CHRDL1: variants seen among roughly 807,000 people sequenced by gnomAD.
CHRDL1 encodes the protein chordin-like protein 1.
CHRDL1 carries 19 observed loss-of-function variants against 40.9 expected under a neutral mutation model. The observed-to-expected ratio is 0.46, with a 90% CI of 0.32 to 0.68. CHRDL1 has a LOEUF of 0.68. CHRDL1 is among the 30% of genes least tolerant of loss of function. The pLI is 0.03. For missense variants in CHRDL1, 329 were observed against 352.1 expected, an observed-to-expected ratio of 0.93 and a Z score of 0.53; for synonymous variants, 136 against 123.4, an observed-to-expected ratio of 1.10 and a Z score of -0.68.
chrX:110,677,453 T>G (rs908178790), intron 11 of CHRDL1, among the ~76,000 whole-genome samples: 9 of 111,505 alleles, frequency 8.1e-5, no homozygotes, highest in Non-Finnish European at 1.5e-4. Context: ...CTACACACAG[T>G]TTGAGGCACA....
intron 2 of CHRDL1, among the ~76,000 whole-genome samples, chrX:110,779,194 C>T (rs757251758): frequency 9.0e-6 from 1 of 110,949 alleles, no homozygotes; most frequent in Non-Finnish European, 1.9e-5. Context: ...ACCAACCCCC[C>T]GTGACACACA....
intron 4 of CHRDL1, among the ~76,000 whole-genome samples, chrX:110,728,198 G>T (rs985553566): frequency 9.1e-6 from 1 of 109,787 alleles, no homozygotes; most frequent in Non-Finnish European, 1.9e-5. Flanking sequence ...TTATGGGGGG[G>T]AACTACATGT....
At chrX:110,762,540 G>A (rs1330507839) in intron 3 of CHRDL1, among the ~76,000 whole-genome samples, 155 bp downstream of exon 3, 1 of 112,049 alleles carries the variant, frequency 8.9e-6, no homozygotes, top group African/African-American at 3.2e-5. Context: ...GCCTCACAAA[G>A]TGCTGGGATT....
At chrX:110,780,968 G>A (rs2089932099) in intron 2 of CHRDL1, among the ~76,000 whole-genome samples, 1 of 111,227 alleles carries the variant, frequency 9.0e-6, no homozygotes, top group South Asian at 3.8e-4. Flanking sequence ...ATACTTTTAA[G>A]GCAGAATGTT....
intron 4 of CHRDL1, among the ~76,000 whole-genome samples, chrX:110,747,409 A>AACACACACACACACACAC (rs113917102): frequency 1.1e-3 from 104 of 91,231 alleles, no homozygotes; most frequent in African/African-American, 4.2e-3. Flanking sequence ...ATCAAAACAA[A>AACACACACACACACACAC]ACACACACAC....
chrX:110,793,444 A>G (rs2090133044), intron 1 of CHRDL1, among the ~76,000 whole-genome samples: 1 of 111,597 alleles, frequency 9.0e-6, no homozygotes, highest in Non-Finnish European at 1.9e-5. Flanking sequence ...CCTGCTCCTT[A>G]AAGAACCAAA....
At chrX:110,719,757 G>C (rs1226389406) in intron 6 of CHRDL1, 78 bp downstream of exon 6, 2 of 554,890 alleles carry the variant, frequency 3.6e-6, no homozygotes, top group Admixed American at 2.9e-5. Context: ...TAGGACATTA[G>C]ACAGGTATTT....
chrX:110,696,723 A>T (rs947202391), intron 7 of CHRDL1, among the ~76,000 whole-genome samples: 1 of 111,378 alleles, frequency 9.0e-6, no homozygotes, highest in Admixed American at 9.5e-5. Context: ...AGCTGTAAAA[A>T]ATACTCATAC....
At chrX:110,789,183 T>C (rs1449745635) in intron 2 of CHRDL1, among the ~76,000 whole-genome samples, 1 of 111,391 alleles carries the variant, frequency 9.0e-6, no homozygotes, top group South Asian at 3.7e-4. Context: ...AGAAATAAAA[T>C]TGAACTAGTA....
chrX:110,793,534 T>C (rs1397657275), intron 1 of CHRDL1, among the ~76,000 whole-genome samples: 4 of 111,994 alleles, frequency 3.6e-5, no homozygotes, highest in Non-Finnish European at 5.6e-5. Context: ...GTGGCCCACT[T>C]ACAATCACTC....
chrX:110,717,445 G>A (rs1049937256), intron 6 of CHRDL1, among the ~76,000 whole-genome samples: 6 of 111,655 alleles, frequency 5.4e-5, no homozygotes, highest in Non-Finnish European at 1.1e-4. Context: ...TCAGAGTCGG[G>A]GGTTGACATG....
chrX:110,742,975 C>T (rs1457133946), intron 4 of CHRDL1, among the ~76,000 whole-genome samples: 4 of 112,010 alleles, frequency 3.6e-5, no homozygotes, highest in South Asian at 3.8e-4. Flanking sequence ...AAGTATCCAG[C>T]GAATGGGATA....
At chrX:110,785,396 C>T (rs2090002661) in intron 2 of CHRDL1, among the ~76,000 whole-genome samples, 1 of 111,556 alleles carries the variant, frequency 9.0e-6, no homozygotes, top group Non-Finnish European at 1.9e-5. Flanking sequence ...TTTGGAAAAA[C>T]AGACACAGGA....
intron 4 of CHRDL1, among the ~76,000 whole-genome samples, chrX:110,733,304 T>C (rs1397493491): frequency 1.8e-5 from 2 of 111,298 alleles, no homozygotes; most frequent in Non-Finnish European, 3.8e-5. Flanking sequence ...ATGAAGTTCA[T>C]GTCAAAGATG....
At chrX:110,709,140 C>T (rs1252140240) in intron 6 of CHRDL1, among the ~76,000 whole-genome samples, 1 of 112,395 alleles carries the variant, frequency 8.9e-6, no homozygotes, top group African/African-American at 3.2e-5. Flanking sequence ...ATAATGCCTA[C>T]CTTATAGGGT....
intron 9 of CHRDL1, among the ~76,000 whole-genome samples, chrX:110,683,869 G>C (rs1017060886): frequency 8.9e-5 from 10 of 111,777 alleles, no homozygotes; most frequent in Non-Finnish European, 1.9e-4. Context: ...CATGATGTTT[G>C]CAAGTGGTTG....
chrX:110,728,036 A>G (rs1444870532), intron 4 of CHRDL1, among the ~76,000 whole-genome samples: 1 of 111,584 alleles, frequency 9.0e-6, no homozygotes, highest in Admixed American at 9.6e-5. Flanking sequence ...ATACAGAAAG[A>G]TATATTATTA....
chrX:110,737,956 C>T (rs749919839), intron 4 of CHRDL1, among the ~76,000 whole-genome samples: 68 of 112,024 alleles, frequency 6.1e-4, no homozygotes, highest in African/African-American at 2.1e-3. Context: ...GGTACTCTGG[C>T]ATCTAGTGGG....
At chrX:110,732,058 A>C (rs990984818) in intron 4 of CHRDL1, among the ~76,000 whole-genome samples, 1 of 111,211 alleles carries the variant, frequency 9.0e-6, no homozygotes, top group African/African-American at 3.3e-5. Flanking sequence ...ACTGGGTATC[A>C]GAGCGGAGCG....
Sources: gnomAD v4.1 joint callset for allele counts (sites outside exome capture counted in the v4.1 genomes callset) on GRCh38, gnomAD v4.1.1 for gene constraint, MANE v1.5 for transcripts, NCBI Gene and HGNC (gene_info 2026-07-23, HGNC 2026-07-21) for gene names.